ARHGEF33: variants seen among roughly 807,000 people sequenced by gnomAD.
ARHGEF33 encodes Rho guanine nucleotide exchange factor 33, also known as DH and coiled-coil domain-containing protein ENSP00000381780.
A neutral mutation model predicts 101.9 loss-of-function variants in ARHGEF33; 72 were observed. The observed-to-expected ratio is 0.71, with a 90% confidence interval of 0.58 to 0.86. The LOEUF is 0.86. Among genes scored for constraint, ARHGEF33 ranks in the 40% least tolerant of loss-of-function variants. The pLI is 0.00. For synonymous variants in ARHGEF33, 499 were observed against 442.5 expected (o/e 1.13, Z -1.60); for missense variants, 1,169 against 1,111.3 (o/e 1.05, Z -0.74).
chr2:38,943,781 C>T lies in ARHGEF33; in HGVS notation c.791-120C>T. On this transcript the variant is annotated intron_variant, in intron 9 of 17. Transcript: ENST00000409978. ...CATTCTGCTTTCTACCTTTCAAAAA[C>T]TTGCAGATGGTTTTTTTTTTATTGC... 3.8e-6 allele frequency: 4 copies of T among 1,056,630 alleles called. No homozygotes were observed. The South Asian group carries it at 4.6e-5, about 12-fold the overall frequency. 65.5% of individuals were successfully genotyped at this position (1,056,630 alleles called of 1,614,324 possible). A position where few individuals can be genotyped will look rare whatever the true frequency, so the allele number is the denominator to read the frequency against.
rs1359678768 is a variant in ARHGEF33 at position 38,928,888 on chromosome 2, C to T, written c.76-19C>T. The T allele has an allele frequency of 5.2e-6, 8 of 1,533,424 alleles. No individual in the cohort carries two copies. Among genetic ancestry groups the T allele is most frequent in the African/African-American group, 1.4e-5 (1 of 72,054 alleles). 95.0% of individuals were successfully genotyped at this position (1,533,424 alleles called of 1,614,324 possible). A position where few individuals can be genotyped will look rare whatever the true frequency, so the allele number is the denominator to read the frequency against. On this transcript the variant is annotated intron_variant, in intron 4 of 17. Coordinates refer to ENST00000409978, the MANE Select transcript of ARHGEF33 (RefSeq NM_001145451.5). ...AGTAATTTCCAGCAAATTGAATTAA[C>T]TTTTCATGCATTATTTAGTTGCAGG...
At chr2:38,943,802 A>G (rs1249999916) in intron 9 of ARHGEF33, 99 bp from the exon 10 acceptor site, 5 of 1,207,628 alleles carry the variant, frequency 4.1e-6, no homozygotes, top group Admixed American at 6.0e-5. Flanking sequence ...TTTTTTTTTT[A>G]TTGCTTTCAA....
intron 9 of ARHGEF33, among the ~76,000 whole-genome samples, chr2:38,939,652 A>G (rs1667252625): frequency 6.6e-6 from 1 of 152,086 alleles, no homozygotes; most frequent in Admixed American, 6.6e-5. Flanking sequence ...GCCTAAGTCC[A>G]TTGCCCAACT....
intron 2 of ARHGEF33, among the ~76,000 whole-genome samples, chr2:38,911,858 G>A (rs1036780230): frequency 6.6e-6 from 1 of 152,082 alleles, no homozygotes; most frequent in African/African-American, 2.4e-5. Flanking sequence ...GGGTAACAGA[G>A]TGAGACCCTG....
At chr2:38,908,364 A>G (rs868388424) in intron 2 of ARHGEF33, among the ~76,000 whole-genome samples, 11 of 152,328 alleles carry the variant, frequency 7.2e-5, no homozygotes, top group African/African-American at 2.4e-4. Flanking sequence ...AAAATGAGTC[A>G]GAAGAGCCCC....
At chr2:38,910,771 A>G (rs538763142) in intron 2 of ARHGEF33, among the ~76,000 whole-genome samples, 1 of 152,218 alleles carries the variant, frequency 6.6e-6, no homozygotes, top group East Asian at 1.9e-4. Flanking sequence ...AGTCCATTCA[A>G]CCAGTTTACG....
chr2:38,931,427 C>A, intron 7 of ARHGEF33, 176 bp downstream of exon 7: 1 of 535,470 alleles, frequency 1.9e-6, no homozygotes, highest in Non-Finnish European at 3.2e-6. Context: ...ACAAGAGTGC[C>A]CAGTTTTAAA....
intron 9 of ARHGEF33, among the ~76,000 whole-genome samples, chr2:38,939,415 T>G (rs1398446390): frequency 6.6e-6 from 1 of 152,182 alleles, no homozygotes; most frequent in Non-Finnish European, 1.5e-5. Context: ...CAAGCAGTTT[T>G]CTAAAGCAGT....
intron 10 of ARHGEF33, among the ~76,000 whole-genome samples, chr2:38,944,876 G>GGTGTGT (rs397942466): frequency 0.055 from 8,068 of 145,412 alleles, 263 homozygotes; most frequent in African/African-American, 0.075. Context: ...GTAATGCATG[G>GGTGTGT]GTGTGTGTGT....
intron 4 of ARHGEF33, among the ~76,000 whole-genome samples, chr2:38,923,898 A>G (rs918553231): frequency 2.6e-5 from 4 of 152,242 alleles, no homozygotes; most frequent in Non-Finnish European, 5.9e-5. Flanking sequence ...TCCAAATGTG[A>G]AATGTCTTTC....
intron 15 of ARHGEF33, chr2:38,959,584 T>G: frequency 5.0e-6 from 2 of 397,774 alleles, no homozygotes; most frequent in South Asian, 6.0e-5. Flanking sequence ...CCACGCGGGG[T>G]GATGACAGTC....
chr2:38,941,198 G>A (rs1316755714), intron 9 of ARHGEF33, among the ~76,000 whole-genome samples: 1 of 152,094 alleles, frequency 6.6e-6, no homozygotes, highest in Non-Finnish European at 1.5e-5. Context: ...AAGCCAGTTT[G>A]GGTACCAAAT....
intron 10 of ARHGEF33, among the ~76,000 whole-genome samples, chr2:38,945,511 C>T (rs12469701): frequency 0.012 from 1,848 of 152,394 alleles, 14 homozygotes; most frequent in Non-Finnish European, 0.02. Context: ...CTCAGCCATC[C>T]TTCCTTCCCT....
intron 2 of ARHGEF33, among the ~76,000 whole-genome samples, chr2:38,904,058 G>A (rs1201833302): frequency 2.0e-5 from 3 of 152,158 alleles, no homozygotes. Context: ...AATTAACTTA[G>A]AAAATGAGAT....
intron 2 of ARHGEF33, among the ~76,000 whole-genome samples, chr2:38,901,454 G>T (rs890400202): frequency 6.6e-6 from 1 of 152,206 alleles, no homozygotes; most frequent in African/African-American, 2.4e-5. Flanking sequence ...GAGGGCTGCA[G>T]CAGTAACCAG....
chr2:38,897,787 A>G (rs1666153166), intron 2 of ARHGEF33, among the ~76,000 whole-genome samples: 1 of 152,246 alleles, frequency 6.6e-6, no homozygotes, highest in South Asian at 2.1e-4. Context: ...CAAGAAAGCC[A>G]GGGAAGAATG....
Position 38,919,359 on chromosome 2 carries a change from A to G in ARHGEF33, c.-85-4A>G, listed in dbSNP as rs1666706419. ...TATCCCTTACTCTTGATTTGAATTG[A>G]CAGGTGCAGGGAAGAGGAGGTGGCC... On this transcript the variant is annotated splice_polypyrimidine_tract_variant and splice_region_variant and intron_variant, in intron 2 of 17. Coordinates refer to ENST00000409978, the MANE Select transcript of ARHGEF33 (RefSeq NM_001145451.5). 1.5e-6 allele frequency: 2 copies of G among 1,303,652 alleles called. No homozygotes were observed. The highest frequency in any genetic ancestry group is 5.0e-5 in the East Asian group (2 of 39,754). 80.8% of individuals were successfully genotyped at this position (1,303,652 alleles called of 1,614,324 possible).
rs1054294581 is a variant in ARHGEF33, at chr2:38,960,731, TGGAGAGGAGCGG to T, written c.2343+86_2343+97del. ...GGAAGCATCCCGAGTTCTCCTAGCG[TGGAGAGGAGCGG>T]GGCCGGGCCAGGCTAGGGGGCGGCT... is the stretch of plus-strand genomic sequence containing the variant. On this transcript the variant is annotated intron_variant, in intron 16 of 17. Coordinates refer to ENST00000409978, the MANE Select transcript of ARHGEF33 (RefSeq NM_001145451.5). The T allele has an allele frequency of 1.4e-4, 160 of 1,110,278 alleles. 1 individual carries two copies. The highest frequency in any genetic ancestry group is 1.6e-4 in the Non-Finnish European group (141 of 881,298). The allele number at this position is 1,110,278 out of a possible 1,614,324, so 68.8% of individuals were successfully genotyped here. A position where few individuals can be genotyped will look rare whatever the true frequency, so the allele number is the denominator to read the frequency against.
intron 8 of ARHGEF33, among the ~76,000 whole-genome samples, chr2:38,936,206 G>A (rs1667125773): frequency 6.6e-6 from 1 of 152,194 alleles, no homozygotes. Context: ...TCTGTGTAGT[G>A]CAGGTAATAA....
Sources: allele counts gnomAD v4.1 joint callset (sites outside exome capture counted in the v4.1 genomes callset), GRCh38; gene constraint gnomAD v4.1.1; transcripts MANE v1.5; gene names NCBI Gene and HGNC (gene_info 2026-07-23, HGNC 2026-07-21).